Variants in KIF6 observed in about 807,000 individuals in gnomAD.
The protein encoded by KIF6 is kinesin family member 6.
A neutral mutation model predicts 112.7 loss-of-function variants in KIF6; 106 were observed. That is an observed-to-expected ratio of 0.94 (90% CI 0.80 to 1.11). The LOEUF (loss-of-function observed/expected upper bound fraction) is 1.11. Among genes scored for constraint, KIF6 ranks in the 50% least tolerant of loss-of-function variants. The pLI, the probability that KIF6 is intolerant of heterozygous loss-of-function variation, is 0.00. For missense variants in KIF6, 929 were observed against 964.0 expected (o/e 0.96, Z 0.48); for synonymous variants, 339 against 339.9 (o/e 1.00, Z 0.03).
In KIF6 at chr6:39,634,849, G is replaced by T. The variant is rs764035532; in HGVS notation, c.509C>A (p.Pro170Gln). 3 of 1,570,766 alleles carry T rather than the reference G, an allele frequency of 1.9e-6. No individual in the cohort carries two copies. The highest frequency in any genetic ancestry group is 2.6e-6 in the Non-Finnish European group (3 of 1,141,014). ...RHEASSLEDL[P>Q]KVTILEDPDQ... ...CATTCTTTGTTGTTCTGCTACTCAC[G>T]GCAAATCTTCCAAACTGGAGGCTTC... The change falls in exon 5 of 23, where the codon CCG (proline) becomes CAG (glutamine). Residue 170 changes from proline (P) to glutamine (Q), a missense_variant and splice_region_variant. Coordinates refer to ENST00000287152, the MANE Select transcript of KIF6 (RefSeq NM_145027.6).
chr6:39,413,625 A>G (rs1341185616), intron 15 of KIF6, among the ~76,000 whole-genome samples: 1 of 152,072 alleles, frequency 6.6e-6, no homozygotes, highest in African/African-American at 2.4e-5. Context: ...AATTCTAAAG[A>G]CCACGTAAAC....
At chr6:39,547,323 G>A (rs889029915) in intron 10 of KIF6, among the ~76,000 whole-genome samples, 4 of 152,138 alleles carry the variant, frequency 2.6e-5, no homozygotes, top group Non-Finnish European at 5.9e-5. Flanking sequence ...TTACTTTTAA[G>A]GAGTTTCTTT....
At chr6:39,411,636 G>A (rs75973960) in intron 15 of KIF6, among the ~76,000 whole-genome samples, 5,781 of 152,286 alleles carry the variant, frequency 0.038, 193 homozygotes, top group Non-Finnish European at 0.051. Context: ...GATGAGTCAG[G>A]TTGGCAATGG....
intron 10 of KIF6, among the ~76,000 whole-genome samples, chr6:39,557,951 T>C (rs1185762782): frequency 6.6e-6 from 1 of 151,472 alleles, no homozygotes; most frequent in Non-Finnish European, 1.5e-5. Flanking sequence ...CCCCTTTTTT[T>C]TTTGCCCGTT....
intron 12 of KIF6, among the ~76,000 whole-genome samples, chr6:39,540,675 G>A (rs751053265): frequency 1.3e-5 from 2 of 152,238 alleles, no homozygotes; most frequent in Non-Finnish European, 2.9e-5. Context: ...AACCCACCCG[G>A]CTGGCAGATC....
In KIF6 at chr6:39,343,221, T is replaced by C. The variant is rs1176797085; in HGVS notation, c.2428+488A>G. On this transcript the variant is annotated intron_variant, in intron 22 of 22. Transcript: ENST00000287152. This position sits in a 1 kb window ranked among gnomAD's most constrained non-coding sequence, Gnocchi z 4.1. Reference sequence around the variant, plus strand: ...CTGTTGTCTGACACGCCACTCTTACTTCCTCTGTGATTGTTATGGTGTCCT... The same window carrying C: ...CTGTTGTCTGACACGCCACTCTTACCTCCTCTGTGATTGTTATGGTGTCCT... 2.4e-6 allele frequency: 3 copies of C among 1,231,844 alleles called. No individual in the cohort carries two copies. The highest frequency in any genetic ancestry group is 5.7e-5 in the Admixed American group (2 of 34,966). 76.3% of individuals were successfully genotyped at this position (1,231,844 alleles called of 1,614,324 possible). A position where few individuals can be genotyped will look rare whatever the true frequency, so the allele number is the denominator to read the frequency against.
intron 13 of KIF6, among the ~76,000 whole-genome samples, chr6:39,461,942 G>A (rs1562238333): frequency 1.3e-5 from 2 of 152,084 alleles, no homozygotes; most frequent in Non-Finnish European, 2.9e-5. Flanking sequence ...GTATGTAATA[G>A]AGACTTTTTA....
chr6:39,637,324 C>T (rs1784672186), intron 4 of KIF6, among the ~76,000 whole-genome samples: 1 of 151,986 alleles, frequency 6.6e-6, no homozygotes, highest in African/African-American at 2.4e-5. Context: ...ATTCACTGAG[C>T]TATGTGGCAA....
chr6:39,574,588 G>T (rs1459954538), intron 10 of KIF6, among the ~76,000 whole-genome samples: 2 of 152,002 alleles, frequency 1.3e-5, no homozygotes, highest in African/African-American at 4.8e-5. Context: ...TAACTTTCAT[G>T]ATTCTTTTCT....
At chr6:39,661,040 C>T (rs1262230617) in intron 3 of KIF6, among the ~76,000 whole-genome samples, 1 of 152,064 alleles carries the variant, frequency 6.6e-6, no homozygotes, top group Non-Finnish European at 1.5e-5. Context: ...TCCATAAGAC[C>T]ATAATTATTG....
intron 10 of KIF6, among the ~76,000 whole-genome samples, chr6:39,560,099 G>A (rs941352690): frequency 2.6e-5 from 4 of 152,178 alleles, no homozygotes; most frequent in African/African-American, 7.2e-5. Context: ...ATTCCAGCTT[G>A]GAGCTGACCG....
At chr6:39,480,565 G>C (rs189308415) in intron 13 of KIF6, among the ~76,000 whole-genome samples, 11 of 152,174 alleles carry the variant, frequency 7.2e-5, no homozygotes, top group African/African-American at 2.6e-4. Flanking sequence ...GGTGATGCTG[G>C]CTTCACAGAA....
At chr6:39,384,139 C>T (rs766491642) in intron 16 of KIF6, among the ~76,000 whole-genome samples, 11 of 152,208 alleles carry the variant, frequency 7.2e-5, no homozygotes, top group Non-Finnish European at 1.3e-4. Context: ...ATTTCTTTCT[C>T]TGGCCTAATT....
chr6:39,647,600 G>A (rs569033519), intron 3 of KIF6, among the ~76,000 whole-genome samples: 46 of 152,250 alleles, frequency 3.0e-4, no homozygotes, highest in African/African-American at 1.0e-3. Flanking sequence ...CCTACTAGAG[G>A]CCGTATCCCC....
chr6:39,536,778 A>G (rs1778455000), intron 13 of KIF6, among the ~76,000 whole-genome samples: 1 of 152,130 alleles, frequency 6.6e-6, no homozygotes, highest in Non-Finnish European at 1.5e-5. Flanking sequence ...AGAATTTTAG[A>G]CCAATATCCC....
intron 16 of KIF6, among the ~76,000 whole-genome samples, chr6:39,376,937 C>A (rs866039421): frequency 6.6e-6 from 1 of 152,180 alleles, no homozygotes; most frequent in Non-Finnish European, 1.5e-5. Context: ...CCCAAAGCTG[C>A]GCTGTTTGCA....
chr6:39,551,417 A>G (rs1779372142), intron 10 of KIF6, among the ~76,000 whole-genome samples: 1 of 152,190 alleles, frequency 6.6e-6, no homozygotes, highest in Non-Finnish European at 1.5e-5. Flanking sequence ...AATAAGATCC[A>G]GTATTCAGTG....
At chr6:39,493,886 A>G (rs1289062291) in intron 13 of KIF6, among the ~76,000 whole-genome samples, 1 of 152,166 alleles carries the variant, frequency 6.6e-6, no homozygotes, top group African/African-American at 2.4e-5. Context: ...TGGCTTTCAG[A>G]GCCTTCTTTT....
At chr6:39,712,916 C>T (rs746652038) in intron 3 of KIF6, among the ~76,000 whole-genome samples, 2 of 152,188 alleles carry the variant, frequency 1.3e-5, no homozygotes, top group South Asian at 4.2e-4. Context: ...CAAACCTGCA[C>T]GTTGCGCACA....
Sources: gnomAD v4.1 joint callset for allele counts (sites outside exome capture counted in the v4.1 genomes callset) on GRCh38, gnomAD v4.1.1 for gene constraint, Gnocchi (gnomAD v3.1) non-coding constraint, MANE v1.5 for transcripts, NCBI Gene and HGNC (gene_info 2026-07-23, HGNC 2026-07-21) for gene names.